DLGAP1: variants seen among roughly 807,000 people sequenced by gnomAD.
DLGAP1 encodes DLG associated protein 1, also known as disks large-associated protein 1.
In DLGAP1, 11 loss-of-function variants were observed where a neutral mutation model predicts 90.8. The ratio of observed to expected loss-of-function variants is 0.12; its 90% confidence interval spans 0.08 to 0.20. DLGAP1 has a LOEUF of 0.20. Ranked by LOEUF, DLGAP1 falls within the 10% of genes least tolerant of loss-of-function variation. DLGAP1 has a pLI of 1.00. For missense variants in DLGAP1, 1,050 were observed against 1,333.8 expected (o/e 0.79, Z 3.31); for synonymous variants, 558 against 540.7 (o/e 1.03, Z -0.44).
chr18:3,896,152 C>T (rs999644461), intron 3 of DLGAP1: 2 of 152,278 alleles, frequency 1.3e-5, no homozygotes, highest in Non-Finnish European at 2.9e-5. Flanking sequence ...CTTCCCTTTT[C>T]ACAGATGAAG....
intron 1 of DLGAP1, among the ~76,000 whole-genome samples, chr18:4,221,813 AG>A (rs1698784572): frequency 1.3e-5 from 2 of 152,150 alleles, no homozygotes; most frequent in South Asian, 4.1e-4. Context: ...ATCTGACTTC[AG>A]GGTTATCTCT....
chr18:4,247,663 G>A (rs753698488), intron 1 of DLGAP1, among the ~76,000 whole-genome samples: 22 of 152,200 alleles, frequency 1.4e-4, no homozygotes, highest in Non-Finnish European at 2.4e-4. Flanking sequence ...TGTAATCCCA[G>A]CTACTCCAGA....
intron 7 of DLGAP1, among the ~76,000 whole-genome samples, chr18:3,629,827 G>A (rs1024439670): frequency 1.3e-5 from 2 of 152,014 alleles, no homozygotes; most frequent in African/African-American, 2.4e-5. Flanking sequence ...TTGATATTTC[G>A]ATGTCCCTTT....
chr18:4,355,347 C>G (rs915991848), intron 1 of DLGAP1, among the ~76,000 whole-genome samples: 3 of 152,142 alleles, frequency 2.0e-5, no homozygotes, highest in African/African-American at 7.2e-5. Context: ...TAAAAGTCAG[C>G]CCTTCAAAGG....
chr18:4,232,851 G>A (rs2078329582), intron 1 of DLGAP1, among the ~76,000 whole-genome samples: 1 of 152,096 alleles, frequency 6.6e-6, no homozygotes, highest in African/African-American at 2.4e-5. Context: ...AGCACCTTTT[G>A]TGACCTAGCC....
At chr18:4,103,678 T>G (rs140327892) in intron 2 of DLGAP1, among the ~76,000 whole-genome samples, 1 of 152,294 alleles carries the variant, frequency 6.6e-6, no homozygotes, top group East Asian at 1.9e-4. Flanking sequence ...TAACTTTTAT[T>G]GATAAGCACT....
chr18:4,159,891 C>T (rs1012559917), intron 1 of DLGAP1, among the ~76,000 whole-genome samples: 38 of 152,148 alleles, frequency 2.5e-4, no homozygotes, highest in South Asian at 6.2e-4. Context: ...TATCTCAGTC[C>T]GCCTGTGGAA....
intron 4 of DLGAP1, among the ~76,000 whole-genome samples, chr18:3,833,130 A>ATTCCTTCC (rs55783238): frequency 1.9e-5 from 2 of 107,480 alleles, no homozygotes; most frequent in African/African-American, 3.6e-5. Context: ...GAATTATAAG[A>ATTCCTTCC]TTCCTTCCTT....
chr18:3,500,332 T>C lies in DLGAP1; in HGVS notation c.2725-938A>G, dbSNP rs532117425. ...ACAAAGGATTTTTAGGCAAAGAAGG[T>C]TGAAGTTGTAGACTGTGAAAGGGTG... On this transcript the variant is annotated intron_variant, in intron 12 of 12. Coordinates refer to ENST00000315677, the MANE Select transcript of DLGAP1 (RefSeq NM_004746.4). 4.6e-5 allele frequency among the ~76,000 whole-genome samples: 7 copies of C among 152,274 alleles called. No individual in the cohort carries two copies. In the East Asian group the frequency reaches 1.2e-3, roughly 25 times the overall value.
At chr18:4,448,914 CA>C (rs992413548) in intron 1 of DLGAP1, among the ~76,000 whole-genome samples, 3 of 152,312 alleles carry the variant, frequency 2.0e-5, no homozygotes, top group South Asian at 4.1e-4. Flanking sequence ...CTGCCTCCCA[CA>C]ACACTTTCCA....
At chr18:3,960,679 G>A (rs188432076) in intron 3 of DLGAP1, among the ~76,000 whole-genome samples, 1 of 152,348 alleles carries the variant, frequency 6.6e-6, no homozygotes, top group East Asian at 1.9e-4. Context: ...CATTTCTAGT[G>A]AGTTCCCAGG....
intron 3 of DLGAP1, chr18:3,885,229 C>T (rs1430751310): frequency 6.6e-6 from 1 of 152,132 alleles, no homozygotes; most frequent in East Asian, 1.9e-4. Flanking sequence ...CTTTTTTCCC[C>T]CCTCTCCTAA....
Position 3,600,830 on chromosome 18 carries a change from A to G in DLGAP1, c.1592-18582T>C, listed in dbSNP as rs1263996960. Among the ~76,000 whole-genome samples, 109 of 45,546 alleles carry G rather than the reference A, an allele frequency of 2.4e-3. 3 individuals are homozygous for G. Among genetic ancestry groups the G allele is most frequent in the Non-Finnish European group, 3.0e-3 (84 of 27,882 alleles). The allele number at this position is 45,546 out of a possible 152,430, so 29.9% of individuals were successfully genotyped here. A position where few individuals can be genotyped will look rare whatever the true frequency, so the allele number is the denominator to read the frequency against. On this transcript the variant is annotated intron_variant, in intron 7 of 12. Transcript: ENST00000315677. Reference sequence around the variant, plus strand: ...TATAGATATATATAGATATATAGATATATATAGATATATATAGATATATAG... The same window carrying G: ...TATAGATATATATAGATATATAGATGTATATAGATATATATAGATATATAG...
intron 5 of DLGAP1, among the ~76,000 whole-genome samples, chr18:3,800,505 C>G (rs559128012): frequency 5.9e-5 from 9 of 152,114 alleles, no homozygotes; most frequent in Admixed American, 5.9e-4. Flanking sequence ...ATGTTTAAGA[C>G]CTAATTTCAA....
intron 1 of DLGAP1, among the ~76,000 whole-genome samples, chr18:4,361,016 CAAAGAT>C (rs1470447889): frequency 6.6e-6 from 1 of 151,698 alleles, no homozygotes; most frequent in African/African-American, 2.4e-5. Flanking sequence ...AAAGATGAGA[CAAAGAT>C]AAATCTAAAC....
At chr18:4,270,189 G>A (rs1212220137) in intron 1 of DLGAP1, among the ~76,000 whole-genome samples, 4 of 152,154 alleles carry the variant, frequency 2.6e-5, no homozygotes, top group African/African-American at 9.7e-5. Flanking sequence ...ACTAATACAG[G>A]GTGGTTTCAT....
At chr18:3,781,639 C>T (rs146158601) in intron 5 of DLGAP1, among the ~76,000 whole-genome samples, 1 of 152,240 alleles carries the variant, frequency 6.6e-6, no homozygotes, top group Non-Finnish European at 1.5e-5. Context: ...AGGCGTGAGC[C>T]AGCAGCTTTC....
chr18:3,814,005 C>A, intron 5 of DLGAP1, 54 bp downstream of exon 5: 1 of 1,560,990 alleles, frequency 6.4e-7, no homozygotes, highest in Non-Finnish European at 8.8e-7. Flanking sequence ...ATCTGAGCCT[C>A]GGTGATAATA....
intron 5 of DLGAP1, among the ~76,000 whole-genome samples, chr18:3,761,610 C>T (rs1021581816): frequency 6.7e-6 from 1 of 150,088 alleles, no homozygotes; most frequent in African/African-American, 2.5e-5. Flanking sequence ...GAGTCTCACT[C>T]TGTTGCCCAG....
Sources: gnomAD v4.1 joint callset for allele counts (sites outside exome capture counted in the v4.1 genomes callset) on GRCh38, gnomAD v4.1.1 for gene constraint, MANE v1.5 for transcripts, NCBI Gene and HGNC (gene_info 2026-07-23, HGNC 2026-07-21) for gene names.